EPC2: variants seen among roughly 807,000 people sequenced by gnomAD.
EPC2 encodes enhancer of polycomb homolog 2.
A neutral mutation model predicts 92.1 loss-of-function variants in EPC2; 14 were observed. The ratio of observed to expected loss-of-function variants is 0.15; its 90% confidence interval spans 0.10 to 0.24. EPC2 has a LOEUF of 0.24. Ranked by LOEUF, EPC2 falls within the 10% of genes least tolerant of loss-of-function variation. The pLI is 1.00. For missense variants in EPC2, 755 were observed against 971.5 expected (o/e 0.78, Z 2.96); for synonymous variants, 340 against 334.7 (o/e 1.02, Z -0.17).
At chr2:148,784,187 G>T (rs1373248850) in intron 12 of EPC2, among the ~76,000 whole-genome samples, 1 of 152,206 alleles carries the variant, frequency 6.6e-6, no homozygotes, top group African/African-American at 2.4e-5. Context: ...CCGCTCTTTA[G>T]ATAGAGTATT....
chr2:148,738,928 G>C (rs1419942505), intron 2 of EPC2, among the ~76,000 whole-genome samples: 3 of 152,168 alleles, frequency 2.0e-5, no homozygotes, highest in African/African-American at 7.2e-5. Context: ...TGGTCACTGA[G>C]AGAGCAGGTC....
intron 2 of EPC2, among the ~76,000 whole-genome samples, chr2:148,739,392 A>T (rs142873887): frequency 6.6e-6 from 1 of 151,996 alleles, no homozygotes; most frequent in African/African-American, 2.4e-5. Context: ...GGCCCTGGAA[A>T]ATTTTCCTCA....
intron 1 of EPC2, among the ~76,000 whole-genome samples, chr2:148,665,532 A>C (rs1225755047): frequency 6.6e-6 from 1 of 152,238 alleles, no homozygotes; most frequent in African/African-American, 2.4e-5. Context: ...ATATGGGAAC[A>C]AAAGAGTAAA....
chr2:148,736,428 A>G (rs1247582120), intron 2 of EPC2, among the ~76,000 whole-genome samples: 1 of 152,112 alleles, frequency 6.6e-6, no homozygotes, highest in Non-Finnish European at 1.5e-5. Flanking sequence ...TTCCTGGCCC[A>G]GATCTGAAGT....
chr2:148,665,780 A>G (rs1165598446), intron 1 of EPC2, among the ~76,000 whole-genome samples: 2 of 152,210 alleles, frequency 1.3e-5, no homozygotes, highest in African/African-American at 4.8e-5. Flanking sequence ...CAGAGCAACT[A>G]TGAATGATTC....
Position 148,734,557 on chromosome 2 carries a change from T to C in EPC2, c.314-9065T>C, listed in dbSNP as rs535730569. Among the ~76,000 whole-genome samples, 4 of 152,256 alleles carry C rather than the reference T, an allele frequency of 2.6e-5. No individual in the cohort carries two copies. The South Asian group carries it at 8.3e-4, about 32-fold the overall frequency. Reference sequence around the variant, plus strand: ...TTAGAGGATAGTCTTGATCTACTAATAGGGTATAGTAATGGAGTTCAGTAA... The same window carrying C: ...TTAGAGGATAGTCTTGATCTACTAACAGGGTATAGTAATGGAGTTCAGTAA... On this transcript the variant is annotated intron_variant, in intron 2 of 13. Transcript: ENST00000258484.
intron 3 of EPC2, among the ~76,000 whole-genome samples, chr2:148,753,105 T>C (rs1683109736): frequency 6.6e-6 from 1 of 152,190 alleles, no homozygotes; most frequent in East Asian, 1.9e-4. Context: ...CTAAAGCCGA[T>C]TGTCTTATCC....
intron 1 of EPC2, among the ~76,000 whole-genome samples, chr2:148,676,723 T>C (rs1263502616): frequency 6.6e-6 from 1 of 152,120 alleles, no homozygotes; most frequent in Non-Finnish European, 1.5e-5. Context: ...AGTTCAGTCT[T>C]ATGTGTAATA....
intron 1 of EPC2, among the ~76,000 whole-genome samples, chr2:148,655,212 T>G (rs1229643056): frequency 6.6e-6 from 1 of 152,196 alleles, no homozygotes; most frequent in African/African-American, 2.4e-5. Context: ...AACTTTCTAG[T>G]TGGAATAACC....
At chr2:148,681,681 G>A (rs1681400493) in intron 1 of EPC2, among the ~76,000 whole-genome samples, 1 of 151,874 alleles carries the variant, frequency 6.6e-6, no homozygotes, top group Non-Finnish European at 1.5e-5. Context: ...AAAACATGGG[G>A]TAAAATGACT....
chr2:148,784,770 A>G lies in EPC2; in HGVS notation c.2120A>G (p.His707Arg). The change falls in exon 13 of 14, where the codon CAC (histidine) becomes CGC (arginine). Residue 707 changes from histidine (H) to arginine (R), a missense_variant. Around this residue, in one of 4 missense-constraint regions of EPC2, gnomAD observed 207 missense variants for 260.5 expected, o/e 0.79. Transcript: ENST00000258484. ...VRTVGHTTTN[H>R]LIPALCTSSP... ...ACAGTTGGCCACACCACTACAAACC[A>G]CTTAATCCCAGCATTGTGCACAAGC... 1 of 1,613,910 alleles carries G rather than the reference A, an allele frequency of 6.2e-7. No homozygotes were observed. The highest frequency in any genetic ancestry group is 1.6e-4 in the Middle Eastern group (1 of 6,062).
Position 148,695,762 on chromosome 2 carries a change from T to TA in EPC2, c.313+5397dup, listed in dbSNP as rs200611129. Among the ~76,000 whole-genome samples the TA allele has an allele frequency of 2.8e-3, 432 of 152,172 alleles. 3 individuals carry two copies. Among genetic ancestry groups the TA allele is most frequent in the African/African-American group, 9.0e-3 (373 of 41,536 alleles). On this transcript the variant is annotated intron_variant, in intron 2 of 13. Coordinates refer to ENST00000258484, the MANE Select transcript of EPC2 (RefSeq NM_015630.4). ...GCATTCCAGGAACATCATTTTCTTG[T>TA]AAAAAAAATACTATTGGATGTGTAT...
chr2:148,783,687 A>C lies in EPC2; in HGVS notation c.1948A>C (p.Ser650Arg), dbSNP rs772442533. 5.0e-6 allele frequency: 8 copies of C among 1,596,138 alleles called. No homozygotes were observed. The highest frequency in any genetic ancestry group is 6.0e-6 in the Non-Finnish European group (7 of 1,170,634). ...ASAVVSAPVP[S>R]RSEVAKEQNT... ...TGCAGTGGTCAGTGCACCTGTTCCA[A>C]GTCGCAGTGAGGTAGCCAAGGAACA... Residue 650 changes from serine (S) to arginine (R), a missense_variant, in exon 12 of 14, where the codon AGT (serine) becomes CGT (arginine). By Grantham distance (110) the Ser-to-Arg change is moderately radical (BLOSUM62 -1). Coordinates refer to ENST00000258484, the MANE Select transcript of EPC2 (RefSeq NM_015630.4).
Position 148,644,967 on chromosome 2 carries a change from C to T in EPC2, c.-51C>T. 2 of 1,517,716 alleles carry T rather than the reference C, an allele frequency of 1.3e-6. No homozygotes were observed. The highest frequency in any genetic ancestry group is 1.8e-6 in the Non-Finnish European group (2 of 1,123,312). 94.0% of individuals were successfully genotyped at this position (1,517,716 alleles called of 1,614,324 possible). On this transcript the variant is annotated 5_prime_UTR_variant, in exon 1 of 14. Transcript: ENST00000258484. ...GGCGGCGGGAGTCCTCCCCCCCTCC[C>T]CGCCCGCCCCGCCGCCGCCGCCCGG... is the stretch of plus-strand genomic sequence containing the variant.
chr2:148,729,031 CAAAAAAAAAAAAAAA>C (rs376309552), intron 2 of EPC2, among the ~76,000 whole-genome samples: 5 of 63,648 alleles, frequency 7.9e-5, no homozygotes, highest in Non-Finnish European at 1.1e-4. Flanking sequence ...AACTCCATCT[CAAAAAAAAAAAAAAA>C]AAAAAAAAAA....
chr2:148,771,420 C>A (rs1186792076), intron 10 of EPC2, 33 bp downstream of exon 10: 1 of 1,483,296 alleles, frequency 6.7e-7, no homozygotes, highest in Admixed American at 2.3e-5. Flanking sequence ...GTATATCCTG[C>A]TATTCTTTTT....
At chr2:148,708,869 C>A (rs919724427) in intron 2 of EPC2, among the ~76,000 whole-genome samples, 1 of 152,132 alleles carries the variant, frequency 6.6e-6, no homozygotes, top group Non-Finnish European at 1.5e-5. Context: ...CTATTTATGA[C>A]AAACCCACAG....
chr2:148,683,337 G>A (rs1396441553), intron 1 of EPC2, among the ~76,000 whole-genome samples: 1 of 151,062 alleles, frequency 6.6e-6, no homozygotes, highest in African/African-American at 2.4e-5. Flanking sequence ...GCATGATCTC[G>A]GCTCACTGCA....
chr2:148,706,390 C>G (rs1025046829), intron 2 of EPC2, among the ~76,000 whole-genome samples: 16 of 152,028 alleles, frequency 1.1e-4, no homozygotes, highest in Non-Finnish European at 2.2e-4. Flanking sequence ...CTGAAAGTGG[C>G]GGGGAGAATG....
Sources: gnomAD v4.1 joint callset for allele counts (sites outside exome capture counted in the v4.1 genomes callset) on GRCh38, gnomAD v4.1.1 for gene constraint, gnomAD v4.1.1 regional missense constraint, MANE v1.5 for transcripts, NCBI Gene and HGNC (gene_info 2026-07-23, HGNC 2026-07-21) for gene names.